KLF15: variants seen among roughly 807,000 people sequenced by gnomAD.
KLF15 encodes the protein Krueppel-like factor 15.
Under a neutral mutation model 24.6 loss-of-function variants are expected in KLF15, and 4 were observed. That is an observed-to-expected ratio of 0.16 (90% CI 0.08 to 0.37). The LOEUF (loss-of-function observed/expected upper bound fraction) is 0.37, where lower values mean the gene tolerates loss of function less well. Among genes scored for constraint, KLF15 ranks in the 10% least tolerant of loss-of-function variants. KLF15 has a pLI of 1.00. For missense variants in KLF15, 496 were observed against 560.6 expected (o/e 0.88, Z 1.16); for synonymous variants, 246 against 236.3 (o/e 1.04, Z -0.37).
chr3:126,304,888 C>A, the KLF15 span, among the ~76,000 whole-genome samples: 3 of 152,226 alleles, frequency 2.0e-5, no homozygotes, highest in African/African-American at 7.2e-5. Context: ...TTTACTCATG[C>A]AACAGTCACC....
At chr3:126,318,149 C>T in the KLF15 span, among the ~76,000 whole-genome samples, 7 of 152,134 alleles carry the variant, frequency 4.6e-5, no homozygotes, top group African/African-American at 1.7e-4. Flanking sequence ...GTCCTTTCCC[C>T]CCAACTCCTC....
chr3:126,290,354 C>A, the KLF15 span, among the ~76,000 whole-genome samples: 27 of 152,120 alleles, frequency 1.8e-4, no homozygotes, highest in Non-Finnish European at 3.4e-4. Context: ...ACCTGTGGAC[C>A]CCACCCCAGC....
chr3:126,324,806 C>T, the KLF15 span, among the ~76,000 whole-genome samples: 141 of 59,406 alleles, frequency 2.4e-3, no homozygotes, highest in Admixed American at 3.1e-3. Flanking sequence ...TTTTTTCGCT[C>T]TTTTTTTTTT....
chr3:126,355,972 A>G (rs1296627754), intron 1 of KLF15, among the ~76,000 whole-genome samples: 1 of 152,204 alleles, frequency 6.6e-6, no homozygotes, highest in Admixed American at 6.5e-5. Flanking sequence ...GGCTGCGTGC[A>G]GGGGGAGGGG....
At chr3:126,314,678 C>T in the KLF15 span, among the ~76,000 whole-genome samples, 1 of 152,212 alleles carries the variant, frequency 6.6e-6, no homozygotes, top group Non-Finnish European at 1.5e-5. Flanking sequence ...GCTCAGCAAA[C>T]GAATACTGGG....
At chr3:126,321,449 A>G in the KLF15 span, among the ~76,000 whole-genome samples, 1 of 152,364 alleles carries the variant, frequency 6.6e-6, no homozygotes, top group African/African-American at 2.4e-5. Flanking sequence ...AGCTCTGCCC[A>G]GCACCACTGA....
chr3:126,353,406 C>A (rs1357747425), intron 1 of KLF15, among the ~76,000 whole-genome samples: 1 of 152,154 alleles, frequency 6.6e-6, no homozygotes, highest in Admixed American at 6.5e-5. Flanking sequence ...GGTAGAACAG[C>A]CATTTGCCCT....
chr3:126,300,348 G>T, the KLF15 span, among the ~76,000 whole-genome samples: 1 of 152,194 alleles, frequency 6.6e-6, no homozygotes, highest in Admixed American at 6.5e-5. Flanking sequence ...GCTCAGGCTG[G>T]CCCTCGCAGG....
chr3:126,353,460 C>T (rs946175105), intron 1 of KLF15, among the ~76,000 whole-genome samples: 2 of 152,060 alleles, frequency 1.3e-5, no homozygotes, highest in Non-Finnish European at 2.9e-5. Flanking sequence ...TGCCAGATTA[C>T]GCAAATAAAA....
rs557895851 is a variant in KLF15 at position 126,351,848 on chromosome 3, C to T, written c.1075G>A (p.Gly359Ser). The change falls in exon 2 of 3, where the codon GGC (glycine) becomes AGC (serine). Residue 359 changes from glycine to serine, a missense_variant. Coordinates refer to ENST00000296233, the MANE Select transcript of KLF15 (RefSeq NM_014079.4). ...KPFACTWPGC[G>S]WRFSRSDELS... is the part of the protein sequence containing the mutation. ...GTCACTCGCTATACTGACCTCCAGC[C>T]GCAGCCTGGCCAGGTGCAGGCGAAG... 4.3e-6 allele frequency: 7 copies of T among 1,612,478 alleles called. No homozygotes were observed. Among genetic ancestry groups the T allele is most frequent in the Middle Eastern group, 1.7e-4 (1 of 6,002 alleles).
intron 2 of KLF15, among the ~76,000 whole-genome samples, chr3:126,345,155 T>A (rs1022526153): frequency 6.6e-6 from 1 of 152,208 alleles, no homozygotes; most frequent in Non-Finnish European, 1.5e-5. Context: ...TCAGCTCGAA[T>A]GTCACTTCCT....
the KLF15 span, among the ~76,000 whole-genome samples, chr3:126,321,487 A>G: frequency 6.6e-6 from 1 of 152,220 alleles, no homozygotes; most frequent in Non-Finnish European, 1.5e-5. Context: ...CAGCAGTGCT[A>G]CAGGAGGTAT....
the KLF15 span, among the ~76,000 whole-genome samples, chr3:126,321,385 G>T: frequency 1.3e-5 from 2 of 152,354 alleles, no homozygotes; most frequent in South Asian, 4.1e-4. Flanking sequence ...TGCCTGCTGT[G>T]GGGAGGAGGT....
chr3:126,326,850 T>C, the KLF15 span, among the ~76,000 whole-genome samples: 2 of 152,212 alleles, frequency 1.3e-5, no homozygotes, highest in Admixed American at 6.5e-5. Flanking sequence ...AGTCGATTAA[T>C]ATTGATTGAA....
the KLF15 span, among the ~76,000 whole-genome samples, chr3:126,309,779 G>C: frequency 6.6e-6 from 1 of 152,182 alleles, no homozygotes; most frequent in Non-Finnish European, 1.5e-5. Flanking sequence ...GAATGTACAA[G>C]ATGATCCTGG....
rs748541227 is a variant in KLF15 at position 126,352,777 on chromosome 3, G to A, written c.146C>T (p.Pro49Leu). The A allele has an allele frequency of 3.2e-6, 5 of 1,579,134 alleles. No individual in the cohort carries two copies. Among genetic ancestry groups the A allele is most frequent in the Non-Finnish European group, 4.3e-6 (5 of 1,162,262 alleles). ...AGAGTCGGGACTGGAACAGGAGCAG[G>A]GGCTGGAGGCATCGCTGTCATCTTC... ...VSEDDSDASS[P>L]CSCSSPDSQA... The change falls in exon 2 of 3, where the codon CCC (proline) becomes CTC (leucine). Residue 49 changes from proline to leucine, a missense_variant. Pro to Leu is a moderately conservative substitution (Grantham distance 98, BLOSUM62 -3). Coordinates refer to ENST00000296233, the MANE Select transcript of KLF15 (RefSeq NM_014079.4).
the KLF15 span, among the ~76,000 whole-genome samples, chr3:126,304,082 C>T: frequency 0.36 from 54,250 of 151,920 alleles, 10,229 homozygotes; most frequent in Non-Finnish European, 0.43. Flanking sequence ...TCTTTAGTAA[C>T]GGTCATATTT....
At chr3:126,331,466 A>T in the KLF15 span, among the ~76,000 whole-genome samples, 1 of 152,064 alleles carries the variant, frequency 6.6e-6, no homozygotes, top group Non-Finnish European at 1.5e-5. Context: ...CTGTGAATGA[A>T]CCCTGAGAAG....
chr3:126,296,585 C>G, the KLF15 span, among the ~76,000 whole-genome samples: 1 of 152,226 alleles, frequency 6.6e-6, no homozygotes, highest in South Asian at 2.1e-4. Context: ...GGCCTGCAGC[C>G]TAGGGATTAG....
Sources: gnomAD v4.1 joint callset for allele counts (sites outside exome capture counted in the v4.1 genomes callset) on GRCh38, gnomAD v4.1.1 for gene constraint, MANE v1.5 for transcripts, NCBI Gene and HGNC (gene_info 2026-07-23, HGNC 2026-07-21) for gene names.